Variants in FCHSD2 observed in about 807,000 individuals in gnomAD.
FCHSD2 encodes F-BAR and double SH3 domains protein 2.
FCHSD2 carries 38 observed loss-of-function variants against 108.1 expected under a neutral mutation model. The ratio of observed to expected loss-of-function variants is 0.35; its 90% CI spans 0.27 to 0.46. The LOEUF is 0.46. Ranked by LOEUF, FCHSD2 falls within the 20% of genes least tolerant of loss-of-function variation. The pLI, the probability that FCHSD2 is intolerant of heterozygous loss-of-function variation, is 1.00. For synonymous variants in FCHSD2, 279 were observed against 314.7 expected (o/e 0.89, Z 1.20); for missense variants, 751 against 897.8 (o/e 0.84, Z 2.09).
intron 2 of FCHSD2, among the ~76,000 whole-genome samples, chr11:73,132,782 C>A (rs768529405): frequency 1.3e-5 from 2 of 150,880 alleles, no homozygotes; most frequent in African/African-American, 2.4e-5. Flanking sequence ...CATGACCATG[C>A]CCCCTGCACT....
At chr11:72,901,135 TA>T (rs1855517233) in intron 10 of FCHSD2, among the ~76,000 whole-genome samples, 1 of 152,216 alleles carries the variant, frequency 6.6e-6, no homozygotes, top group Admixed American at 6.5e-5. Context: ...CTCACGTCCG[TA>T]ATGCCAGCAC....
chr11:72,966,202 C>CAGGA (rs60281079), intron 8 of FCHSD2, among the ~76,000 whole-genome samples: 150,133 of 150,660 alleles, frequency 1, 74,804 homozygotes, highest in Middle Eastern at 1. Context: ...CTCTGTCGCC[C>CAGGA]AGGAAGGAGT....
At chr11:72,839,310 G>A (rs1472576460) in intron 19 of FCHSD2, among the ~76,000 whole-genome samples, 2 of 152,132 alleles carry the variant, frequency 1.3e-5, no homozygotes, top group African/African-American at 4.8e-5. Context: ...GCTTTAAGAA[G>A]AAAAAAATAA....
intron 9 of FCHSD2, among the ~76,000 whole-genome samples, chr11:72,902,903 TAAG>T (rs1023949163): frequency 6.6e-6 from 1 of 152,172 alleles, no homozygotes; most frequent in African/African-American, 2.4e-5. Flanking sequence ...TATAATACCT[TAAG>T]AAAGCAAGAA....
chr11:72,899,735 TAAAAAA>T (rs10674308), intron 10 of FCHSD2, among the ~76,000 whole-genome samples: 5 of 72,736 alleles, frequency 6.9e-5, no homozygotes, highest in Admixed American at 4.0e-4. Flanking sequence ...GACCCTATCT[TAAAAAA>T]AAAAAAAAAA....
At chr11:73,007,316 T>C (rs895707630) in intron 4 of FCHSD2, among the ~76,000 whole-genome samples, 2 of 152,130 alleles carry the variant, frequency 1.3e-5, no homozygotes, top group Non-Finnish European at 2.9e-5. Flanking sequence ...CCAGAAGAAA[T>C]TTCTCATTAA....
chr11:72,922,172 T>C (rs1485782691), intron 8 of FCHSD2, among the ~76,000 whole-genome samples: 3 of 152,150 alleles, frequency 2.0e-5, no homozygotes, highest in East Asian at 1.9e-4. Flanking sequence ...AGATCCAATA[T>C]TGGTAAAGCT....
chr11:73,067,889 T>C (rs1449937437), intron 3 of FCHSD2, among the ~76,000 whole-genome samples: 1 of 152,116 alleles, frequency 6.6e-6, no homozygotes, highest in African/African-American at 2.4e-5. Context: ...GGGTAATTTA[T>C]AAAGAAAAAG....
intron 2 of FCHSD2, among the ~76,000 whole-genome samples, chr11:73,093,554 C>T (rs1336865241): frequency 6.6e-6 from 1 of 152,024 alleles, no homozygotes. Context: ...AGCAAAATCC[C>T]TAAGAATGTT....
chr11:73,123,508 G>C (rs974907916), intron 2 of FCHSD2, among the ~76,000 whole-genome samples: 1 of 152,188 alleles, frequency 6.6e-6, no homozygotes, highest in African/African-American at 2.4e-5. Flanking sequence ...TAGGGCCTAG[G>C]CATCTGTAAT....
chr11:73,099,911 C>T (rs932109273), intron 2 of FCHSD2, among the ~76,000 whole-genome samples: 5 of 152,218 alleles, frequency 3.3e-5, no homozygotes, highest in African/African-American at 4.8e-5. Context: ...TGCCTCTGCC[C>T]GTCCCTATCC....
rs1156397716 is a variant in FCHSD2 at position 72,836,756 on chromosome 11, T to G, written c.*2035A>C. 6.6e-6 allele frequency: 1 copy of G among 152,664 alleles called. No homozygotes were observed. The highest frequency in any genetic ancestry group is 6.5e-5 in the Admixed American group (1 of 15,288). 9.5% of individuals were successfully genotyped at this position (152,664 alleles called of 1,614,324 possible). On this transcript the variant is annotated 3_prime_UTR_variant, in exon 20 of 20. Coordinates refer to ENST00000409418, the MANE Select transcript of FCHSD2 (RefSeq NM_014824.3). Reference sequence around the variant, plus strand: ...AAACTTAGAAAACATAATTCCATTTTTTTTATTATTCAACATTTTATACAT... The same window carrying G: ...AAACTTAGAAAACATAATTCCATTTGTTTTATTATTCAACATTTTATACAT...
At chr11:73,130,282 A>C (rs767020443) in intron 2 of FCHSD2, among the ~76,000 whole-genome samples, 3 of 147,566 alleles carry the variant, frequency 2.0e-5, no homozygotes, top group Admixed American at 1.3e-4. Flanking sequence ...GGTCTTGCTA[A>C]GTTGCCCAGG....
At chr11:72,885,153 A>T (rs1236566061) in intron 12 of FCHSD2, among the ~76,000 whole-genome samples, 1 of 152,174 alleles carries the variant, frequency 6.6e-6, no homozygotes, top group East Asian at 1.9e-4. Context: ...TAATCCTGTA[A>T]GTACTACCCC....
chr11:72,922,375 G>T (rs1230326356), intron 8 of FCHSD2, among the ~76,000 whole-genome samples: 1 of 152,108 alleles, frequency 6.6e-6, no homozygotes, highest in Non-Finnish European at 1.5e-5. Flanking sequence ...ATTGGTATAT[G>T]TATATTTACT....
chr11:72,952,329 C>CT (rs571298552), intron 8 of FCHSD2, among the ~76,000 whole-genome samples: 2,025 of 144,912 alleles, frequency 0.014, 13 homozygotes, highest in African/African-American at 0.029. Flanking sequence ...GTTTGACTAT[C>CT]TTTTTTTTTT....
At chr11:73,018,967 A>G (rs2135436924) in intron 3 of FCHSD2, among the ~76,000 whole-genome samples, 1 of 152,320 alleles carries the variant, frequency 6.6e-6, no homozygotes, top group Admixed American at 6.5e-5. Context: ...CAAATAACTC[A>G]TTATCTGTAG....
intron 2 of FCHSD2, among the ~76,000 whole-genome samples, chr11:73,096,377 C>CAAAAAAAAA (rs767268719): frequency 4.4e-5 from 3 of 68,358 alleles, no homozygotes; most frequent in Non-Finnish European, 8.4e-5. Context: ...CCTGCCTCTA[C>CAAAAAAAAA]AAAAAAAAAA....
At chr11:72,909,593 C>T (rs796153345) in intron 9 of FCHSD2, among the ~76,000 whole-genome samples, 3 of 148,560 alleles carry the variant, frequency 2.0e-5, no homozygotes, top group Non-Finnish European at 3.0e-5. Context: ...AAGTGAGGAG[C>T]ATCTCTGCCT....
Sources: gnomAD v4.1 joint callset for allele counts (sites outside exome capture counted in the v4.1 genomes callset) on GRCh38, gnomAD v4.1.1 for gene constraint, MANE v1.5 for transcripts, NCBI Gene and HGNC (gene_info 2026-07-23, HGNC 2026-07-21) for gene names.